Variants in ZNF408 observed in about 807,000 individuals in gnomAD.
ZNF408 encodes the protein PR domain zinc finger protein 17.
In ZNF408, 24 loss-of-function variants were observed where a neutral mutation model predicts 27.6. The observed-to-expected ratio is 0.87, with a 90% CI of 0.63 to 1.22. The LOEUF is 1.22. Ranked by LOEUF, ZNF408 falls within the 50% of genes most tolerant of loss-of-function variation. The pLI is 0.00. For missense variants in ZNF408, 897 were observed against 949.0 expected (o/e 0.95, Z 0.72); for synonymous variants, 410 against 396.1 (o/e 1.04, Z -0.42).
Position 46,705,540 on chromosome 11 carries a change from A to G in ZNF408, c.1840A>G (p.Met614Val), listed in dbSNP as rs2134511388. Residue 614 changes from methionine (M) to valine (V), a missense_variant, in exon 5 of 5, where the codon ATG (methionine) becomes GTG (valine). Coordinates refer to ENST00000311764, the MANE Select transcript of ZNF408 (RefSeq NM_024741.3). This position sits in a 1 kb window ranked among gnomAD's most constrained non-coding sequence, Gnocchi z 6.5. Reference sequence around the variant, plus strand: ...GCCCTACCGCTGCCCCACCTGTGGCATGGGCTACACCCTCCCGCAGAGCCT... The same window carrying G: ...GCCCTACCGCTGCCCCACCTGTGGCGTGGGCTACACCCTCCCGCAGAGCCT... Reference protein sequence around the residue: ...DKPYRCPTCGMGYTLPQSLRR... With the variant: ...DKPYRCPTCGVGYTLPQSLRR... 1.2e-6 allele frequency: 2 copies of G among 1,605,034 alleles called. No individual in the cohort carries two copies. The highest frequency in any genetic ancestry group is 2.2e-5 in the East Asian group (1 of 44,876).
chr11:46,703,753 T>C, intron 4 of ZNF408, among the ~76,000 whole-genome samples: 1 of 132,572 alleles, frequency 7.5e-6, no homozygotes, highest in African/African-American at 2.9e-5. Flanking sequence ...TTTGTTGTTG[T>C]TGTTGTTGTT....
chr11:46,703,834 C>T (rs1208178012), intron 4 of ZNF408, among the ~76,000 whole-genome samples: 1 of 138,478 alleles, frequency 7.2e-6, no homozygotes, highest in African/African-American at 2.7e-5. Flanking sequence ...ATGGCGTGGT[C>T]TCAGCTCGCT....
In ZNF408 at chr11:46,705,523, G is replaced by A. The variant is rs763950014; in HGVS notation, c.1823G>A (p.Arg608His). 15 of 1,604,528 alleles carry A rather than the reference G, an allele frequency of 9.3e-6. No individual in the cohort carries two copies. Among genetic ancestry groups the A allele is most frequent in the East Asian group, 2.2e-5 (1 of 44,886 alleles). The part of the protein sequence containing the change: ...LKSHLEDKPY[R>H]CPTCGMGYTL... ...TCTCACTTGGAGGACAAGCCCTACC[G>A]CTGCCCCACCTGTGGCATGGGCTAC... Residue 608 changes from arginine (R) to histidine (H), a missense_variant, in exon 5 of 5, where the codon CGC becomes CAC. By Grantham distance (29) the Arg-to-His change is conservative. Transcript: ENST00000311764. The surrounding 1 kb of genome is among the most constrained non-coding windows in gnomAD (Gnocchi z 6.5).
intron 3 of ZNF408, 65 bp downstream of exon 3, chr11:46,702,830 T>A (rs2064719773): frequency 6.2e-7 from 1 of 1,605,268 alleles, no homozygotes; most frequent in African/African-American, 1.3e-5. Context: ...TGGAACCCGG[T>A]GCTGACTGTC....
Position 46,705,589 on chromosome 11 carries a change from G to C in ZNF408, c.1889G>C (p.Arg630Pro), listed in dbSNP as rs138519217. The C allele has an allele frequency of 3.9e-4, 625 of 1,608,796 alleles. 2 individuals carry two copies. Among genetic ancestry groups the C allele is most frequent in the Non-Finnish European group, 5.1e-4 (600 of 1,180,002 alleles). ...CTCAGGCGGCATCAGCTCAGTCACC[G>C]GCCTGAGGCACCCTGCAGCCCACCC... ...QSLRRHQLSH[R>P]PEAPCSPPSV... The change falls in exon 5 of 5, where the codon CGG becomes CCG. Residue 630 changes from arginine (R) to proline (P), a missense_variant. By Grantham distance (103) the Arg-to-Pro change is moderately radical (BLOSUM62 -2). Transcript: ENST00000311764. The surrounding 1 kb of genome is among the most constrained non-coding windows in gnomAD (Gnocchi z 6.5).
chr11:46,703,024 GCC>G lies in ZNF408; in HGVS notation c.436_437del (p.Pro146SerfsTer20). ...RGRLESEGNV[A>X]PVRISERLHL... is the part of the protein sequence containing the mutation. ...CAGGCTGGAGAGTGAGGGAAATGTG[GCC>G]CCAGTGCGGATCAGCGAGAGGCTTC... On this transcript the variant is annotated frameshift_variant, in exon 4 of 5. Transcript: ENST00000311764. LOFTEE classifies it high-confidence loss of function. 1 of 1,614,038 alleles carries G rather than the reference GCC, an allele frequency of 6.2e-7. No individual in the cohort carries two copies. The highest frequency in any genetic ancestry group is 8.5e-7 in the Non-Finnish European group (1 of 1,179,896).
In ZNF408 at chr11:46,705,438, C is replaced by T; in HGVS notation, c.1738C>T (p.Pro580Ser). The change falls in exon 5 of 5, where the codon CCC becomes TCC. Residue 580 changes from proline to serine, a missense_variant. Transcript: ENST00000311764. The surrounding 1 kb of genome is among the most constrained non-coding windows in gnomAD (Gnocchi z 6.5). The part of the protein sequence containing the change: ...ERLHSGERPF[P>S]CPQCGRAYTL... ...CCTGCACTCCGGAGAGAGGCCCTTT[C>T]CCTGTCCCCAGTGTGGCCGTGCTTA... 1.2e-6 allele frequency: 2 copies of T among 1,608,234 alleles called. No homozygotes were observed. The highest frequency in any genetic ancestry group is 1.3e-5 in the African/African-American group (1 of 75,036).
chr11:46,705,874 T>C lies in ZNF408; in HGVS notation c.*11T>C. On this transcript the variant is annotated 3_prime_UTR_variant, in exon 5 of 5. Transcript: ENST00000311764. The surrounding 1 kb of genome is among the most constrained non-coding windows in gnomAD (Gnocchi z 6.5). ...GAGATGGGCACCTGACAGCTTTGCCTTTTGCTGACACAGCTCCATAAAGAC... is the reference window on the plus strand; with the variant it reads ...GAGATGGGCACCTGACAGCTTTGCCCTTTGCTGACACAGCTCCATAAAGAC... The C allele has an allele frequency of 6.2e-7, 1 of 1,606,392 alleles. No individual in the cohort carries two copies. The highest frequency in any genetic ancestry group is 8.5e-7 in the Non-Finnish European group (1 of 1,176,522).
chr11:46,701,200 G>T (rs1161920969), intron 1 of ZNF408, 101 bp downstream of exon 1: 13 of 1,601,276 alleles, frequency 8.1e-6, no homozygotes, highest in Non-Finnish European at 1.1e-5. Context: ...CGGATCCCAG[G>T]ATCCTCCAGT....
chr11:46,703,014 G>C lies in ZNF408; in HGVS notation c.423G>C (p.Glu141Asp), dbSNP rs1195809517. The change falls in exon 4 of 5, where the codon GAG becomes GAC. Residue 141 changes from glutamate to aspartate, a missense_variant. By Grantham distance (45) the Glu-to-Asp change is conservative. Transcript: ENST00000311764. ...TACAACGGGGCAGGCTGGAGAGTGA[G>C]GGAAATGTGGCCCCAGTGCGGATCA... Reference protein sequence around the residue: ...SLVQRGRLESEGNVAPVRISE... With the variant: ...SLVQRGRLESDGNVAPVRISE... 1 of 1,613,926 alleles carries C rather than the reference G, an allele frequency of 6.2e-7. No individual in the cohort carries two copies. The highest frequency in any genetic ancestry group is 1.7e-5 in the Admixed American group (1 of 60,000).
In ZNF408 at chr11:46,701,113, G is replaced by A. The variant is rs776446934; in HGVS notation, c.52+14G>A. On this transcript the variant is annotated intron_variant, in intron 1 of 4. Transcript: ENST00000311764. ...CGCTGCAACTCGGTGAGTGACCTGC[G>A]ATGTCCGCGACCCTCAACCTTGGCC... 6.2e-7 allele frequency: 1 copy of A among 1,614,108 alleles called. No individual in the cohort carries two copies. Among genetic ancestry groups the A allele is most frequent in the Non-Finnish European group, 8.5e-7 (1 of 1,179,998 alleles).
chr11:46,703,760 TGTTG>T lies in ZNF408; in HGVS notation c.652+518_652+521del, dbSNP rs150560950. On this transcript the variant is annotated intron_variant, in intron 4 of 4. Coordinates refer to ENST00000311764, the MANE Select transcript of ZNF408 (RefSeq NM_024741.3). ...TGTTTTGTTTTGTTGTTGTTGTTGTTGTTGTTGTTGTTTTTTTTTTTTTTTGAGA... is the reference window on the plus strand; with the variant it reads ...TGTTTTGTTTTGTTGTTGTTGTTGTTTTGTTGTTTTTTTTTTTTTTTGAGA... 4.3e-4 allele frequency among the ~76,000 whole-genome samples: 46 copies of T among 106,916 alleles called. 3 individuals carry two copies. Among genetic ancestry groups the T allele is most frequent in the African/African-American group, 5.8e-4 (13 of 22,594 alleles). The allele number at this position is 106,916 out of a possible 152,430, so 70.1% of individuals were successfully genotyped here.
rs1206813515 is a variant in ZNF408 at position 46,701,395 on chromosome 11, G to A, written c.53-4G>A. 19 of 1,612,412 alleles carry A rather than the reference G, an allele frequency of 1.2e-5. No individual in the cohort carries two copies. Among genetic ancestry groups the A allele is most frequent in the Non-Finnish European group, 1.6e-5 (19 of 1,179,008 alleles). On this transcript the variant is annotated splice_polypyrimidine_tract_variant and splice_region_variant and intron_variant, in intron 1 of 4. Coordinates refer to ENST00000311764, the MANE Select transcript of ZNF408 (RefSeq NM_024741.3). ...TCCCTCACTGTCTTCCCTTCTCTCT[G>A]CAGCCCGCGAGCCGCGCCTGGGCCT...
In ZNF408 at chr11:46,704,993, T is replaced by C. The variant is rs755330661; in HGVS notation, c.1293T>C (p.His431=). 9.3e-6 allele frequency: 15 copies of C among 1,613,298 alleles called. No individual in the cohort carries two copies. Among genetic ancestry groups the C allele is most frequent in the Non-Finnish European group, 1.2e-5 (14 of 1,179,970 alleles). Residue 431 remains histidine, a synonymous_variant, in exon 5 of 5, where the codon CAT becomes CAC. Transcript: ENST00000311764. ...ACCTCAAAGAGCACCAGGTGGTACA[T>C]TCAGGTGCCCGGCCCTTTGCTTGTG... The part of the protein sequence containing the change: ...QRDLKEHQVV[H]SGARPFACDQ...
rs767614212 is a variant in ZNF408 at position 46,701,077 on chromosome 11, G to C, written c.30G>C (p.Glu10Asp). The change falls in exon 1 of 5, where the codon GAG (glutamate) becomes GAC (aspartate). Residue 10 changes from glutamate to aspartate, a missense_variant. Transcript: ENST00000311764. ...AGGAGGCGGAGGAGCTGCTCTTGGA[G>C]GGGAAGAAGGCGCTGCAACTCGGTG... MEEAEELLLEGKKALQLARE... is the reference protein window; with the variant it reads MEEAEELLLDGKKALQLARE... 17 of 1,614,180 alleles carry C rather than the reference G, an allele frequency of 1.1e-5. No individual in the cohort carries two copies. Among genetic ancestry groups the C allele is most frequent in the Non-Finnish European group, 1.4e-5 (17 of 1,180,032 alleles).
At position 46,701,442 on chromosome 11, in the gene ZNF408, C is replaced by G; in HGVS notation, c.96C>G (p.Ser32=). The G allele has an allele frequency of 6.2e-7, 1 of 1,614,022 alleles. No homozygotes were observed. Among genetic ancestry groups the G allele is most frequent in the Non-Finnish European group, 8.5e-7 (1 of 1,180,016 alleles). The change falls in exon 2 of 5, where the codon TCC becomes TCG. Residue 32 remains serine, a synonymous_variant. Transcript: ENST00000311764. ...GCCTGGACTTAGGATGGAACCCTTCCGGAGAAGGCTGTACGCAGGGCCTCA... is the reference window on the plus strand; with the variant it reads ...GCCTGGACTTAGGATGGAACCCTTCGGGAGAAGGCTGTACGCAGGGCCTCA... ...RLGLDLGWNP[S]GEGCTQGLKD...
rs200495065 is a variant in ZNF408, at chr11:46,702,499, G to T, written c.331-205G>T. Among the ~76,000 whole-genome samples, 15 of 152,288 alleles carry T rather than the reference G, an allele frequency of 9.8e-5. No individual in the cohort carries two copies. In the East Asian group the frequency reaches 2.7e-3, roughly 27 times the overall value. On this transcript the variant is annotated intron_variant, in intron 2 of 4. Coordinates refer to ENST00000311764, the MANE Select transcript of ZNF408 (RefSeq NM_024741.3). ...AATTTAGTAATTCTCCATACCCTTG[G>T]GAGGGAGGTGAGGAGACAGACTTTT...
Position 46,704,806 on chromosome 11 carries a change from A to C in ZNF408, c.1106A>C (p.Lys369Thr). 6.3e-7 allele frequency: 1 copy of C among 1,599,724 alleles called. No individual in the cohort carries two copies. Among genetic ancestry groups the C allele is most frequent in the South Asian group, 1.1e-5 (1 of 89,290 alleles). The stretch of plus-strand genomic sequence containing the variant: ...GCATTCCTACAGCTGTGCCACCTAA[A>C]GAAGCACGCATTTGTGCACACGGGC... ...GKAFLQLCHLKKHAFVHTGHK... is the reference protein window; with the variant it reads ...GKAFLQLCHLTKHAFVHTGHK... Residue 369 changes from lysine to threonine, a missense_variant, in exon 5 of 5, where the codon AAG becomes ACG. Transcript: ENST00000311764.
In ZNF408 at chr11:46,704,656, G is replaced by A. The variant is rs760233268; in HGVS notation, c.956G>A (p.Arg319Lys). Reference sequence around the variant, plus strand: ...AGCCCCAGTGATCAGTGCCCACCCAGAGCAAAGACCCCAGAGCCTGGAGCC... The same window carrying A: ...AGCCCCAGTGATCAGTGCCCACCCAAAGCAAAGACCCCAGAGCCTGGAGCC... Reference protein sequence around the residue: ...LHSPSDQCPPRAKTPEPGAQQ... With the variant: ...LHSPSDQCPPKAKTPEPGAQQ... The change falls in exon 5 of 5, where the codon AGA becomes AAA. Residue 319 changes from arginine to lysine, a missense_variant. Arg to Lys is a conservative substitution (Grantham distance 26, BLOSUM62 2). Coordinates refer to ENST00000311764, the MANE Select transcript of ZNF408 (RefSeq NM_024741.3). 6.2e-7 allele frequency: 1 copy of A among 1,613,734 alleles called. No homozygotes were observed. The highest frequency in any genetic ancestry group is 8.5e-7 in the Non-Finnish European group (1 of 1,179,956).
Sources: gnomAD v4.1 joint callset for allele counts (sites outside exome capture counted in the v4.1 genomes callset) on GRCh38, gnomAD v4.1.1 for gene constraint, Gnocchi (gnomAD v3.1) non-coding constraint, MANE v1.5 for transcripts, NCBI Gene and HGNC (gene_info 2026-07-23, HGNC 2026-07-21) for gene names.